The following FRMPD1 variants were observed in gnomAD, a reference collection of about 807,000 sequenced individuals.
FRMPD1 encodes FERM and PDZ domain containing 1.
In FRMPD1, 76 loss-of-function variants were observed where a neutral mutation model predicts 117.8. The observed-to-expected ratio is 0.65, with a 90% CI of 0.54 to 0.78. The LOEUF (loss-of-function observed/expected upper bound fraction) is 0.78, where lower values mean the gene tolerates loss of function less well. Ranked by LOEUF, FRMPD1 falls within the 30% of genes least tolerant of loss-of-function variation. The pLI, the probability that FRMPD1 is intolerant of heterozygous loss-of-function variation, is 0.00. For missense variants in FRMPD1, 1,786 were observed against 1,964.5 expected (o/e 0.91, Z 1.72); for synonymous variants, 783 against 770.4 (o/e 1.02, Z -0.27).
At chr9:37,717,900 G>A (rs2118243382) in intron 5 of FRMPD1, among the ~76,000 whole-genome samples, 1 of 152,232 alleles carries the variant, frequency 6.6e-6, no homozygotes, top group Non-Finnish European at 1.5e-5. Flanking sequence ...CAATCTGATA[G>A]TCTTATCACT....
At chr9:37,647,399 C>A (rs532628948), upstream of FRMPD1, among the ~76,000 whole-genome samples, 72 of 151,620 alleles carry the variant, frequency 4.7e-4, no homozygotes, top group Non-Finnish European at 7.8e-4. Context: ...GTAGTCCCAG[C>A]TACTCCGGAG....
chr9:37,731,844 G>A (rs1005523659), intron 9 of FRMPD1, among the ~76,000 whole-genome samples: 31 of 151,836 alleles, frequency 2.0e-4, no homozygotes, highest in Admixed American at 1.5e-3. Flanking sequence ...CTGCACTCCA[G>A]CCTGGGTGAC....
At chr9:37,695,237 T>A (rs1416036383) in intron 2 of FRMPD1, among the ~76,000 whole-genome samples, 1 of 152,208 alleles carries the variant, frequency 6.6e-6, no homozygotes, top group Admixed American at 6.5e-5. Context: ...TATCAGACTG[T>A]TTCCCAGAGT....
At chr9:37,623,295 A>G in the FRMPD1 span, among the ~76,000 whole-genome samples, 4 of 152,332 alleles carry the variant, frequency 2.6e-5, no homozygotes, top group African/African-American at 9.6e-5. Context: ...GGAATGGGAT[A>G]TGGAAGAGGA....
chr9:37,611,316 A>T, the FRMPD1 span, among the ~76,000 whole-genome samples: 1 of 152,214 alleles, frequency 6.6e-6, no homozygotes, highest in Admixed American at 6.5e-5. Flanking sequence ...TTTTGTGCTT[A>T]TGCGAATCTA....
chr9:37,633,647 C>G, the FRMPD1 span, among the ~76,000 whole-genome samples: 1 of 152,136 alleles, frequency 6.6e-6, no homozygotes, highest in Non-Finnish European at 1.5e-5. Context: ...ATTGCTTGAG[C>G]CCAGGAGTTC....
At chr9:37,608,070 A>G in the FRMPD1 span, among the ~76,000 whole-genome samples, 1 of 152,242 alleles carries the variant, frequency 6.6e-6, no homozygotes, top group Non-Finnish European at 1.5e-5. Context: ...CGGGGTAGTC[A>G]GTTCTCATGC....
At chr9:37,697,350 A>G (rs1388498517) in intron 2 of FRMPD1, among the ~76,000 whole-genome samples, 3 of 152,166 alleles carry the variant, frequency 2.0e-5, no homozygotes, top group African/African-American at 7.2e-5. Flanking sequence ...CTGTAATCCC[A>G]GCACTTTGGG....
At chr9:37,733,866 A>C in intron 12 of FRMPD1, 41 bp downstream of exon 12, 1 of 1,060,948 alleles carries the variant, frequency 9.4e-7, no homozygotes, top group Non-Finnish European at 1.5e-6. Flanking sequence ...CACGTAAGGG[A>C]CCTTAGAGAT....
intron 2 of FRMPD1, among the ~76,000 whole-genome samples, chr9:37,697,397 G>A (rs368689261): frequency 1.3e-4 from 19 of 151,326 alleles, no homozygotes; most frequent in African/African-American, 4.4e-4. Flanking sequence ...TCCCGTCTCT[G>A]CTAAAAAAAA....
the FRMPD1 span, among the ~76,000 whole-genome samples, chr9:37,612,116 A>G: frequency 6.6e-6 from 1 of 152,170 alleles, no homozygotes; most frequent in Non-Finnish European, 1.5e-5. Context: ...CCTGACCTAT[A>G]TCCCAGGGGT....
intron 1 of FRMPD1, among the ~76,000 whole-genome samples, chr9:37,686,949 A>G (rs935155354): frequency 2.0e-5 from 3 of 152,156 alleles, no homozygotes; most frequent in African/African-American, 7.2e-5. Flanking sequence ...TTTGAGACAG[A>G]CTGCAACAGA....
chr9:37,640,630 T>C, the FRMPD1 span, among the ~76,000 whole-genome samples: 2 of 152,152 alleles, frequency 1.3e-5, no homozygotes, highest in African/African-American at 4.8e-5. Flanking sequence ...GCACCAGACA[T>C]TACTTATTTT....
At chr9:37,645,900 G>A in the FRMPD1 span, among the ~76,000 whole-genome samples, 1 of 152,150 alleles carries the variant, frequency 6.6e-6, no homozygotes, top group African/African-American at 2.4e-5. Context: ...AGAATCATTT[G>A]GTTTAGGGCT....
In FRMPD1 at chr9:37,744,927, A is replaced by T. The variant is rs1335308562; in HGVS notation, c.2895A>T (p.Ser965=). The stretch of plus-strand genomic sequence containing the variant: ...GTGTTGTCCCTGCTGCCAGCTCCTC[A>T]GCAAGCACTCCTCACTGTTCTAACC... The part of the protein sequence containing the change: ...NSGVVPAASS[S]ASTPHCSNPG... The change falls in exon 16 of 16, where the codon TCA becomes TCT. Residue 965 remains serine (S), a synonymous_variant. Coordinates refer to ENST00000377765, the MANE Select transcript of FRMPD1 (RefSeq NM_014907.3). 4.3e-6 allele frequency: 7 copies of T among 1,614,202 alleles called. 1 individual carries two copies. The South Asian group carries it at 7.7e-5, about 18-fold the overall frequency.
chr9:37,737,200 G>T lies in FRMPD1; in HGVS notation c.1506G>T (p.Trp502Cys). Residue 502 changes from tryptophan (W) to cysteine (C), a missense_variant, in exon 14 of 16, where the codon TGG becomes TGT. By Grantham distance (215) the Trp-to-Cys change is radical (BLOSUM62 -2). Transcript: ENST00000377765. ...ACCCAGTTACCTCCATTTTCCTCTG[G>T]CCTGGAAACAAACAACAAGCGCACC... ...LVDPVTSIFL[W>C]PGNKQQAHRV... 1 of 1,614,054 alleles carries T rather than the reference G, an allele frequency of 6.2e-7. No individual in the cohort carries two copies.
intron 2 of FRMPD1, among the ~76,000 whole-genome samples, chr9:37,695,738 C>G (rs1380825423): frequency 6.6e-6 from 1 of 152,194 alleles, no homozygotes; most frequent in African/African-American, 2.4e-5. Context: ...CCTGCATCCA[C>G]CCCATCAGCA....
chr9:37,631,483 T>C, the FRMPD1 span, among the ~76,000 whole-genome samples: 1 of 152,256 alleles, frequency 6.6e-6, no homozygotes. Flanking sequence ...TGGAGGTTTG[T>C]CGAAAGAGAC....
Position 37,740,136 on chromosome 9 carries a change from C to T in FRMPD1, c.1608C>T (p.Leu536=), listed in dbSNP as rs553520754. 8.1e-6 allele frequency: 13 copies of T among 1,613,710 alleles called. No homozygotes were observed. The highest frequency in any genetic ancestry group is 3.3e-5 in the South Asian group (3 of 91,044). Residue 536 remains leucine, a synonymous_variant, in exon 15 of 16, where the codon CTC becomes CTT. Coordinates refer to ENST00000377765, the MANE Select transcript of FRMPD1 (RefSeq NM_014907.3). This position sits in a 1 kb window ranked among gnomAD's most constrained non-coding sequence, Gnocchi z 4.2. ...AGTCCTCTGAGGTGGACTGCGTACT[C>T]GAACCTCTCTCTGACAGGCGCCTGG... ...SEESSEVDCV[L]EPLSDRRLVK...
Sources: gnomAD v4.1 joint callset for allele counts (sites outside exome capture counted in the v4.1 genomes callset) on GRCh38, gnomAD v4.1.1 for gene constraint, Gnocchi (gnomAD v3.1) non-coding constraint, MANE v1.5 for transcripts, NCBI Gene and HGNC (gene_info 2026-07-23, HGNC 2026-07-21) for gene names.